The following DCAF16 variants were observed in gnomAD, a reference collection of about 807,000 sequenced individuals.
DCAF16 encodes the protein DDB1- and CUL4-associated factor 16.
A neutral mutation model predicts 17.3 loss-of-function variants in DCAF16; 10 were observed. That is an observed-to-expected ratio of 0.58 (90% CI 0.36 to 0.98). DCAF16 has a LOEUF of 0.98. DCAF16 is among the 50% of genes least tolerant of loss of function. DCAF16 has a pLI of 0.01. For missense variants in DCAF16, 249 were observed against 247.6 expected, an observed-to-expected ratio of 1.01 and a Z score of -0.04; for synonymous variants, 111 against 92.8, an observed-to-expected ratio of 1.20 and a Z score of -1.12.
At position 17,803,752 on chromosome 4, in the gene DCAF16, A is replaced by C. The variant is rs1720023565; in HGVS notation, c.390T>G (p.Ser130Arg). The C allele has an allele frequency of 6.2e-7, 1 of 1,613,956 alleles. No homozygotes were observed. Among genetic ancestry groups the C allele is most frequent in the African/African-American group, 1.3e-5 (1 of 74,876 alleles). Residue 130 changes from serine (S) to arginine (R), a missense_variant, in exon 3 of 3, where the codon AGT becomes AGG. Coordinates refer to ENST00000382247, the MANE Select transcript of DCAF16 (RefSeq NM_017741.4). ...GVPPFQKPLT[S>R]PSRLSRDHAT... Reference sequence around the variant, plus strand: ...CATGATCTCTAGAGAGCCGGCTGGGACTTGTAAGAGGCTTTTGAAAAGGTG... The same window carrying C: ...CATGATCTCTAGAGAGCCGGCTGGGCCTTGTAAGAGGCTTTTGAAAAGGTG...
At chr4:17,807,020 C>A (rs998891858) in intron 1 of DCAF16, among the ~76,000 whole-genome samples, 1 of 151,474 alleles carries the variant, frequency 6.6e-6, no homozygotes, top group Non-Finnish European at 1.5e-5. Flanking sequence ...AAATTAAGAA[C>A]AAGGTTAAGA....
At chr4:17,809,772 A>C (rs1162831494) in intron 1 of DCAF16, 1 of 152,222 alleles carries the variant, frequency 6.6e-6, no homozygotes, top group Non-Finnish European at 1.5e-5. Context: ...AGATGATTGA[A>C]TATTATACAG....
Position 17,810,252 on chromosome 4 carries a change from T to C in DCAF16, c.-750+195A>G, listed in dbSNP as rs1299606746. On this transcript the variant is annotated intron_variant, in intron 1 of 2. Transcript: ENST00000382247. ...CCTTTCCATTCTCTTGAGTTCTCCCTTAATACACTGTCCTTATGCACACTT... is the reference window on the plus strand; with the variant it reads ...CCTTTCCATTCTCTTGAGTTCTCCCCTAATACACTGTCCTTATGCACACTT... Among the ~76,000 whole-genome samples, 7 of 152,368 alleles carry C rather than the reference T, an allele frequency of 4.6e-5. 1 individual carries two copies. The East Asian group carries it at 1.4e-3, about 29-fold the overall frequency.
chr4:17,796,278 A>G (rs991740825), downstream of DCAF16, among the ~76,000 whole-genome samples: 3 of 152,176 alleles, frequency 2.0e-5, no homozygotes, highest in Non-Finnish European at 4.4e-5. Flanking sequence ...AGGCAAAGAT[A>G]GGTGTTCCAA....
chr4:17,798,311 T>C (rs1292524516), downstream of DCAF16, among the ~76,000 whole-genome samples: 1 of 75,768 alleles, frequency 1.3e-5, no homozygotes, highest in Non-Finnish European at 2.3e-5. Context: ...GTTATTTTCC[T>C]TTTTTTTTTT....
intron 1 of DCAF16, among the ~76,000 whole-genome samples, chr4:17,805,900 G>A (rs1467675658): frequency 6.6e-6 from 1 of 152,172 alleles, no homozygotes; most frequent in African/African-American, 2.4e-5. Context: ...AGGAGTTGGA[G>A]GCTGTGTGGT....
chr4:17,807,472 G>A (rs1046727491), intron 1 of DCAF16, among the ~76,000 whole-genome samples: 2 of 152,216 alleles, frequency 1.3e-5, no homozygotes, highest in African/African-American at 4.8e-5. Context: ...GGCACTGCTG[G>A]TGGGATTGCA....
chr4:17,803,929 A>T lies in DCAF16; in HGVS notation c.213T>A (p.Pro71=), dbSNP rs1287066600. The T allele has an allele frequency of 1.2e-6, 2 of 1,614,070 alleles. No homozygotes were observed. Among genetic ancestry groups the T allele is most frequent in the Non-Finnish European group, 1.7e-6 (2 of 1,180,038 alleles). The part of the protein sequence containing the change: ...KYSTTWKPLN[P]NSWLYHAKLL... ...GTTTAGCATGATACAACCAGGAATT[A>T]GGATTTAAAGGTTTCCAAGTTGTGG... is the stretch of plus-strand genomic sequence containing the variant. Residue 71 remains proline, a synonymous_variant, in exon 3 of 3, where the codon CCT becomes CCA. Transcript: ENST00000382247.
Position 17,803,418 on chromosome 4 carries a change from G to A in DCAF16, c.*73C>T. ...AGTTTGACTGAGAAGGCATTAGTGG[G>A]CTGTGTAATGACTAACTTTGTACCA... On this transcript the variant is annotated 3_prime_UTR_variant, in exon 3 of 3. Coordinates refer to ENST00000382247, the MANE Select transcript of DCAF16 (RefSeq NM_017741.4). The A allele has an allele frequency of 2.2e-6, 3 of 1,387,190 alleles. No homozygotes were observed. Among genetic ancestry groups the A allele is most frequent in the South Asian group, 2.6e-5 (2 of 77,564 alleles). 85.9% of individuals were successfully genotyped at this position (1,387,190 alleles called of 1,614,324 possible). A position where few individuals can be genotyped will look rare whatever the true frequency, so the allele number is the denominator to read the frequency against.
the DCAF16 span, among the ~76,000 whole-genome samples, chr4:17,794,195 G>A: frequency 6.6e-6 from 1 of 152,092 alleles, no homozygotes; most frequent in African/African-American, 2.4e-5. Flanking sequence ...GAAATGTGTG[G>A]GAACAGAAGT....
downstream of DCAF16, among the ~76,000 whole-genome samples, chr4:17,796,877 G>C (rs1719453615): frequency 6.6e-6 from 1 of 152,132 alleles, no homozygotes; most frequent in African/African-American, 2.4e-5. Flanking sequence ...CTCAACAACA[G>C]TTCTAAGAAA....
At chr4:17,793,569 G>A in the DCAF16 span, among the ~76,000 whole-genome samples, 1 of 151,996 alleles carries the variant, frequency 6.6e-6, no homozygotes, top group South Asian at 2.1e-4. Flanking sequence ...AAAAAAAGAA[G>A]AAGTACATTG....
downstream of DCAF16, among the ~76,000 whole-genome samples, chr4:17,798,288 T>C (rs58785359): frequency 9.2e-3 from 1,392 of 151,918 alleles, 28 homozygotes; most frequent in African/African-American, 0.031. Flanking sequence ...TATCGCTGTC[T>C]TCCTGTTACA....
chr4:17,803,640 G>A lies in DCAF16; in HGVS notation c.502C>T (p.Gln168Ter), dbSNP rs775873122. 3.1e-6 allele frequency: 5 copies of A among 1,614,204 alleles called. No individual in the cohort carries two copies. The South Asian group carries it at 3.3e-5, about 11-fold the overall frequency. Reference protein sequence around the residue: ...RATPIPEYLKQIPNSCVSGCC... With the variant: ...RATPIPEYLK ...CCAGAAACACATGAATTAGGGATCT[G>A]TTTTAGGTATTCAGGTATGGGAGTG... is the stretch of plus-strand genomic sequence containing the variant. The change falls in exon 3 of 3, where the codon CAG becomes TAG. Residue 168 changes from glutamine to a stop codon, truncating the protein, a stop_gained. Coordinates refer to ENST00000382247, the MANE Select transcript of DCAF16 (RefSeq NM_017741.4). LOFTEE classifies it high-confidence loss of function.
downstream of DCAF16, among the ~76,000 whole-genome samples, chr4:17,799,891 TGTA>T (rs1719617095): frequency 6.6e-6 from 1 of 152,202 alleles, no homozygotes; most frequent in African/African-American, 2.4e-5. Flanking sequence ...GGCTCATGCC[TGTA>T]ATCCCAGCAC....
At chr4:17,799,584 C>A (rs1398301106), downstream of DCAF16, among the ~76,000 whole-genome samples, 1 of 152,204 alleles carries the variant, frequency 6.6e-6, no homozygotes, top group Non-Finnish European at 1.5e-5. Context: ...AGCCAACTTA[C>A]GCATCAGAAA....
At chr4:17,809,873 G>A (rs564063037) in intron 1 of DCAF16, among the ~76,000 whole-genome samples, 1 of 152,264 alleles carries the variant, frequency 6.6e-6, no homozygotes, top group East Asian at 1.9e-4. Context: ...GAAATATACG[G>A]TGAATAAAAG....
At chr4:17,800,071 G>C (rs998221755), downstream of DCAF16, among the ~76,000 whole-genome samples, 6 of 151,170 alleles carry the variant, frequency 4.0e-5, no homozygotes, top group Admixed American at 2.6e-4. Flanking sequence ...TTGAACCCGG[G>C]AGGTGGAGGT....
intron 1 of DCAF16, among the ~76,000 whole-genome samples, chr4:17,808,707 G>C (rs1553847964): frequency 6.6e-6 from 1 of 152,136 alleles, no homozygotes; most frequent in Non-Finnish European, 1.5e-5. Flanking sequence ...TGATGTCTCT[G>C]TTGGTGAGAC....
Sources: allele counts gnomAD v4.1 joint callset (sites outside exome capture counted in the v4.1 genomes callset), GRCh38; gene constraint gnomAD v4.1.1; transcripts MANE v1.5; gene names NCBI Gene and HGNC (gene_info 2026-07-23, HGNC 2026-07-21).